The following PIEZO1 variants were observed in gnomAD, a reference collection of about 807,000 sequenced individuals.
PIEZO1 encodes piezo-type mechanosensitive ion channel component 1.
Under a neutral mutation model 297.2 loss-of-function variants are expected in PIEZO1, and 296 were observed. The observed-to-expected ratio is 1.00, with a 90% CI of 0.91 to 1.10. PIEZO1 has a LOEUF of 1.10. Ranked by LOEUF, PIEZO1 falls within the 50% of genes least tolerant of loss-of-function variation. The pLI is 0.00. For missense variants in PIEZO1, 5,018 were observed against 3,455.5 expected, an observed-to-expected ratio of 1.45 and a Z score of -11.34; for synonymous variants, 2,427 against 1,507.5, an observed-to-expected ratio of 1.61 and a Z score of -14.13.
In PIEZO1 at chr16:88,722,615, G is replaced by A. The variant is rs769386844; in HGVS notation, c.4743C>T (p.Thr1581=). 7.2e-5 allele frequency: 111 copies of A among 1,537,828 alleles called. No individual in the cohort carries two copies. In the Middle Eastern group the frequency reaches 9.5e-3, roughly 132 times the overall value. ...SQAEATLPGP[T]EAPNAPSTVS... ...CGGTGCTTGGGGCATTGGGGGCCTC[G>A]GTGGGGCCTGGCAGCGTGGCCTCGG... Residue 1581 remains threonine (T), a synonymous_variant, in exon 35 of 51, where the codon ACC becomes ACT. Coordinates refer to ENST00000301015, the MANE Select transcript of PIEZO1 (RefSeq NM_001142864.4).
At chr16:88,727,429 G>A in intron 23 of PIEZO1, 128 bp downstream of exon 23, 1 of 644,586 alleles carries the variant, frequency 1.6e-6, no homozygotes, top group South Asian at 2.0e-5. Context: ...GTCAGGGCCT[G>A]CAGGCCGCCA....
In PIEZO1 at chr16:88,716,501, G is replaced by A; in HGVS notation, c.6927-18C>T. 6.5e-7 allele frequency: 1 copy of A among 1,542,222 alleles called. No homozygotes were observed. On this transcript the variant is annotated intron_variant, in intron 47 of 50. Transcript: ENST00000301015. The stretch of plus-strand genomic sequence containing the variant: ...CCAGGTCCCTGGGGGTGGGAACACA[G>A]CGTGACCCACTGTAGTGGGTCCACC...
At chr16:88,759,910 GC>G (rs2142882895) in intron 1 of PIEZO1, among the ~76,000 whole-genome samples, 1 of 152,262 alleles carries the variant, frequency 6.6e-6, no homozygotes, top group East Asian at 1.9e-4. Flanking sequence ...GACCTGGGGG[GC>G]TCCCCCAATG....
Position 88,720,763 on chromosome 16 carries a change from T to G in PIEZO1, c.5669-15A>C. ...GTCCTCAGCTTCTGTAGGGAAAAGC[T>G]GACTTCTGCCTGGGCCCCCTGGGGA... On this transcript the variant is annotated splice_polypyrimidine_tract_variant and intron_variant, in intron 39 of 50. Transcript: ENST00000301015. 6.8e-7 allele frequency: 1 copy of G among 1,470,184 alleles called. No homozygotes were observed. Among genetic ancestry groups the G allele is most frequent in the Non-Finnish European group, 9.0e-7 (1 of 1,111,566 alleles). 91.1% of individuals were successfully genotyped at this position (1,470,184 alleles called of 1,614,324 possible). A position where few individuals can be genotyped will look rare whatever the true frequency, so the allele number is the denominator to read the frequency against.
chr16:88,733,733 C>T lies in PIEZO1; in HGVS notation c.2342G>A (p.Trp781Ter). Residue 781 changes from tryptophan (W) to a stop codon, truncating the protein, a stop_gained, in exon 18 of 51, where the codon TGG becomes TAG. Coordinates refer to ENST00000301015, the MANE Select transcript of PIEZO1 (RefSeq NM_001142864.4). LOFTEE classifies it high-confidence loss of function. Reference sequence around the variant, plus strand: ...CAGCAGCCGCTCAGCCACCAGGCCCCACTTGGCTGCCCCTGTGATGGTGTG... The same window carrying T: ...CAGCAGCCGCTCAGCCACCAGGCCCTACTTGGCTGCCCCTGTGATGGTGTG... Reference protein sequence around the residue: ...ATQVPEGAAKWGLVAERLLEL... With the variant: ...ATQVPEGAAK 1 of 1,544,970 alleles carries T rather than the reference C, an allele frequency of 6.5e-7. No homozygotes were observed. Among genetic ancestry groups the T allele is most frequent in the Non-Finnish European group, 8.7e-7 (1 of 1,143,954 alleles).
intron 1 of PIEZO1, among the ~76,000 whole-genome samples, chr16:88,774,316 G>A (rs1449307073): frequency 6.6e-6 from 1 of 152,224 alleles, no homozygotes; most frequent in African/African-American, 2.4e-5. Context: ...GCTTGAACCC[G>A]GGAGGCGGAG....
At chr16:88,719,981 C>T in intron 42 of PIEZO1, 21 bp from the exon 43 acceptor site, 1 of 1,549,862 alleles carries the variant, frequency 6.5e-7, no homozygotes, top group African/African-American at 1.4e-5. Context: ...ATGGCCAGGT[C>T]AAGGACCCCA....
intron 1 of PIEZO1, among the ~76,000 whole-genome samples, chr16:88,757,327 T>TTGCTGGGGGGGGGG (rs1906720153): frequency 4.7e-5 from 2 of 42,700 alleles, no homozygotes; most frequent in Non-Finnish European, 5.2e-5. Context: ...GGCGGGGGGG[T>TTGCTGGGGGGGGGG]GGGGGGTAGT....
chr16:88,743,834 G>A (rs1433928820), intron 2 of PIEZO1: 15 of 359,486 alleles, frequency 4.2e-5, no homozygotes, highest in Non-Finnish European at 6.1e-5. Flanking sequence ...GCCCTGACCT[G>A]CTGACCCTGC....
At chr16:88,752,616 G>A (rs557674877) in intron 1 of PIEZO1, among the ~76,000 whole-genome samples, 1 of 152,186 alleles carries the variant, frequency 6.6e-6, no homozygotes, top group East Asian at 2.0e-4. Context: ...TGCAGGGGCT[G>A]AGGATGGAGA....
intron 1 of PIEZO1, among the ~76,000 whole-genome samples, chr16:88,768,226 G>A (rs1347740716): frequency 1.3e-5 from 2 of 152,310 alleles, no homozygotes; most frequent in African/African-American, 4.8e-5. Flanking sequence ...CACTGCCTGG[G>A]CCTCGCAGCC....
chr16:88,715,914 C>A lies in PIEZO1; in HGVS notation c.7316+19G>T. ...GGAGCCCCCCGAGCTGCGGGGTGCC[C>A]CCCCAGCCACTCACTCACCCGTAGC... On this transcript the variant is annotated intron_variant, in intron 50 of 50. Coordinates refer to ENST00000301015, the MANE Select transcript of PIEZO1 (RefSeq NM_001142864.4). The A allele has an allele frequency of 6.5e-7, 1 of 1,546,708 alleles. No homozygotes were observed. The highest frequency in any genetic ancestry group is 2.4e-5 in the East Asian group (1 of 40,826).
At chr16:88,756,890 C>T (rs938250931) in intron 1 of PIEZO1, among the ~76,000 whole-genome samples, 1 of 152,032 alleles carries the variant, frequency 6.6e-6, no homozygotes, top group Non-Finnish European at 1.5e-5. Flanking sequence ...TCCTGGCCAA[C>T]ATGGTGAAAC....
intron 19 of PIEZO1, 172 bp downstream of exon 19, chr16:88,733,106 A>C (rs1904977756): frequency 1.6e-6 from 1 of 637,472 alleles, no homozygotes; most frequent in Non-Finnish European, 2.7e-6. Flanking sequence ...CCTGGTCCAC[A>C]GTTGAGGTCG....
intron 1 of PIEZO1, among the ~76,000 whole-genome samples, chr16:88,767,770 GCCT>G (rs547038295): frequency 2.4e-4 from 36 of 152,256 alleles, no homozygotes; most frequent in African/African-American, 8.7e-4. Flanking sequence ...TGAGCCTTCT[GCCT>G]CAGGGTGACC....
chr16:88,730,851 G>T (rs575315322), intron 22 of PIEZO1, among the ~76,000 whole-genome samples: 1 of 152,370 alleles, frequency 6.6e-6, no homozygotes, highest in Admixed American at 6.5e-5. Context: ...ACAAATGGCA[G>T]CTGTCCTTGA....
At chr16:88,777,537 C>T (rs1391605235) in intron 1 of PIEZO1, among the ~76,000 whole-genome samples, 5 of 152,166 alleles carry the variant, frequency 3.3e-5, no homozygotes, top group Non-Finnish European at 7.3e-5. Context: ...TGTCACTGGC[C>T]CGCAGACAGG....
At chr16:88,730,651 C>T (rs1305565516) in intron 22 of PIEZO1, among the ~76,000 whole-genome samples, 2 of 146,492 alleles carry the variant, frequency 1.4e-5, no homozygotes, top group African/African-American at 5.1e-5. Context: ...AGAGTGGTTT[C>T]AAACTCCTGG....
rs1911938928 is a variant in PIEZO1 at position 88,715,596 on chromosome 16, C to T, written c.*9G>A. 3.9e-6 allele frequency: 6 copies of T among 1,547,970 alleles called. No individual in the cohort carries two copies. Among genetic ancestry groups the T allele is most frequent in the Middle Eastern group, 1.7e-4 (1 of 5,940 alleles). ...CGGCTCCTTCCCTCTCGGGCGCCAG[C>T]AGCAGCTCCTACTCCTTCTCACGAG... is the stretch of plus-strand genomic sequence containing the variant. On this transcript the variant is annotated 3_prime_UTR_variant, in exon 51 of 51. Transcript: ENST00000301015.
Sources: allele counts gnomAD v4.1 joint callset (sites outside exome capture counted in the v4.1 genomes callset), GRCh38; gene constraint gnomAD v4.1.1; transcripts MANE v1.5; gene names NCBI Gene and HGNC (gene_info 2026-07-23, HGNC 2026-07-21).